Variants in NEGR1 observed in about 807,000 individuals in gnomAD.
NEGR1 encodes the protein IgLON family member 4.
A neutral mutation model predicts 40.9 loss-of-function variants in NEGR1; 10 were observed. The observed-to-expected ratio is 0.24, with a 90% CI of 0.15 to 0.42. The LOEUF (loss-of-function observed/expected upper bound fraction) is 0.42, where lower values mean the gene tolerates loss of function less well. NEGR1 is among the 10% of genes least tolerant of loss of function. The pLI is 1.00. For synonymous variants in NEGR1, 185 were observed against 166.8 expected, an observed-to-expected ratio of 1.11 and a Z score of -0.84; for missense variants, 352 against 438.9, an observed-to-expected ratio of 0.80 and a Z score of 1.77.
chr1:71,715,863 C>G (rs1228346181), intron 3 of NEGR1, among the ~76,000 whole-genome samples: 2 of 152,118 alleles, frequency 1.3e-5, no homozygotes, highest in Non-Finnish European at 2.9e-5. Context: ...TTCTTTTGAA[C>G]CCTCCAAACT....
intron 1 of NEGR1, among the ~76,000 whole-genome samples, chr1:71,994,672 G>A (rs1407725267): frequency 6.6e-6 from 1 of 151,960 alleles, no homozygotes; most frequent in Non-Finnish European, 1.5e-5. Context: ...TTTATTTTCC[G>A]CATGGTTTTG....
At chr1:72,143,010 G>A (rs1315961173) in intron 1 of NEGR1, among the ~76,000 whole-genome samples, 1 of 151,952 alleles carries the variant, frequency 6.6e-6, no homozygotes, top group African/African-American at 2.4e-5. Context: ...ATGAAAATCT[G>A]TAGAAAGCTG....
At position 71,790,998 on chromosome 1, in the gene NEGR1, G is replaced by A. The variant is rs141169584; in HGVS notation, c.410-14701C>T. Among the ~76,000 whole-genome samples, 583 of 152,094 alleles carry A rather than the reference G, an allele frequency of 3.8e-3. 2 individuals are homozygous for A. The highest frequency in any genetic ancestry group is 0.013 in the African/African-American group (550 of 41,532). On this transcript the variant is annotated intron_variant, in intron 2 of 6. Coordinates refer to ENST00000357731, the MANE Select transcript of NEGR1 (RefSeq NM_173808.3). ...CTGGGGAAGAGGAGGAGAAAAATAA[G>A]AGGGGAGGCAACAAAAATGTAGATA...
chr1:71,611,330 T>C (rs1013285615), intron 4 of NEGR1, among the ~76,000 whole-genome samples, 184 bp from the exon 5 acceptor site: 2 of 152,198 alleles, frequency 1.3e-5, no homozygotes, highest in South Asian at 2.1e-4. Context: ...AGCTTCATTT[T>C]TCAAGGTGAA....
intron 3 of NEGR1, among the ~76,000 whole-genome samples, chr1:71,706,540 C>T (rs997908134): frequency 6.7e-6 from 1 of 149,328 alleles, no homozygotes; most frequent in African/African-American, 2.5e-5. Context: ...TTCCCCTAAC[C>T]CCAGGCTGCC....
At chr1:71,731,730 T>C (rs1654875356) in intron 3 of NEGR1, among the ~76,000 whole-genome samples, 1 of 152,206 alleles carries the variant, frequency 6.6e-6, no homozygotes, top group Non-Finnish European at 1.5e-5. Context: ...GCAACACTGA[T>C]ATATTGTTTT....
At chr1:71,649,329 C>G (rs1309853815) in intron 4 of NEGR1, among the ~76,000 whole-genome samples, 1 of 151,902 alleles carries the variant, frequency 6.6e-6, no homozygotes, top group Non-Finnish European at 1.5e-5. Context: ...ATCTGATGAC[C>G]CAGGAATTCC....
chr1:71,552,790 A>G (rs1043963954), intron 6 of NEGR1, among the ~76,000 whole-genome samples: 9 of 151,092 alleles, frequency 6.0e-5, no homozygotes, highest in Non-Finnish European at 1.2e-4. Flanking sequence ...CTACTGCCCA[A>G]CTCTGTTTTT....
chr1:71,951,911 C>A (rs1390874605), intron 1 of NEGR1, among the ~76,000 whole-genome samples: 1 of 151,602 alleles, frequency 6.6e-6, no homozygotes, highest in Non-Finnish European at 1.5e-5. Flanking sequence ...TTGATGTTAC[C>A]ATTATAATTT....
At chr1:71,447,778 T>G (rs1344703292) in intron 6 of NEGR1, among the ~76,000 whole-genome samples, 1 of 152,218 alleles carries the variant, frequency 6.6e-6, no homozygotes, top group Non-Finnish European at 1.5e-5. Context: ...TCACAATGAC[T>G]AGAATGAGCT....
At chr1:71,589,645 CCCTT>C (rs1318324746) in intron 6 of NEGR1, among the ~76,000 whole-genome samples, 2 of 152,110 alleles carry the variant, frequency 1.3e-5, no homozygotes, top group African/African-American at 2.4e-5. Flanking sequence ...CCTTGCAACT[CCCTT>C]CCTTTTCTTG....
At chr1:71,745,322 C>G (rs1350643) in intron 3 of NEGR1, among the ~76,000 whole-genome samples, 57,446 of 152,012 alleles carry the variant, frequency 0.38, 11,226 homozygotes, top group East Asian at 0.6. Flanking sequence ...GTCTAAAAAT[C>G]TTGGCTGGCT....
At chr1:71,826,611 GAAGA>G (rs1259884856) in intron 2 of NEGR1, among the ~76,000 whole-genome samples, 1 of 151,296 alleles carries the variant, frequency 6.6e-6, no homozygotes, top group East Asian at 1.9e-4. Context: ...TGGAAGTAAG[GAAGA>G]AAGATTCTTC....
intron 1 of NEGR1, among the ~76,000 whole-genome samples, chr1:71,986,955 T>C (rs978725655): frequency 3.3e-5 from 5 of 152,140 alleles, no homozygotes; most frequent in Middle Eastern, 3.2e-3. Context: ...AAGTGAAAAA[T>C]TGCAATATCT....
chr1:72,162,165 A>G (rs1368141425), intron 1 of NEGR1, among the ~76,000 whole-genome samples: 1 of 152,168 alleles, frequency 6.6e-6, no homozygotes, highest in East Asian at 1.9e-4. Context: ...TAAAAACAAC[A>G]AAAAGGCCAG....
intron 6 of NEGR1, among the ~76,000 whole-genome samples, chr1:71,482,491 C>T (rs1343887179): frequency 6.6e-6 from 1 of 151,768 alleles, no homozygotes; most frequent in Non-Finnish European, 1.5e-5. Flanking sequence ...AAAGCAATCA[C>T]CATTTTAAAC....
At chr1:72,270,719 T>C (rs974111656) in intron 1 of NEGR1, among the ~76,000 whole-genome samples, 2 of 151,874 alleles carry the variant, frequency 1.3e-5, no homozygotes, top group African/African-American at 4.8e-5. Context: ...ATGTCCTCAA[T>C]GTTTCATGTG....
intron 4 of NEGR1, among the ~76,000 whole-genome samples, chr1:71,678,712 C>A (rs1200236182): frequency 6.6e-6 from 1 of 152,050 alleles, no homozygotes; most frequent in East Asian, 1.9e-4. Context: ...TTGTTGGTTA[C>A]TAGGCACAGT....
intron 1 of NEGR1, among the ~76,000 whole-genome samples, chr1:72,009,844 G>A (rs934822583): frequency 2.0e-5 from 3 of 152,030 alleles, no homozygotes; most frequent in African/African-American, 7.2e-5. Context: ...GAAATCCAAT[G>A]TAGATATTTG....
Sources: allele counts gnomAD v4.1 joint callset (sites outside exome capture counted in the v4.1 genomes callset), GRCh38; gene constraint gnomAD v4.1.1; transcripts MANE v1.5; gene names NCBI Gene and HGNC (gene_info 2026-07-23, HGNC 2026-07-21).